Variants in FANCA observed in about 807,000 individuals in gnomAD.
FANCA encodes the protein FA complementation group A.
In FANCA, 236 loss-of-function variants were observed where a neutral mutation model predicts 194.3. The observed-to-expected ratio is 1.21, with a 90% CI of 1.09 to 1.35. The LOEUF is 1.35. Among genes scored for constraint, FANCA ranks in the 40% most tolerant of loss-of-function variants. FANCA has a pLI of 0.00. For synonymous variants in FANCA, 1,014 were observed against 715.8 expected (o/e 1.42, Z -6.65); for missense variants, 2,628 against 1,813.9 (o/e 1.45, Z -8.15).
intron 33 of FANCA, 33 bp downstream of exon 33, chr16:89,748,626 G>T: frequency 1.3e-6 from 2 of 1,532,220 alleles, no homozygotes; most frequent in South Asian, 1.1e-5. Context: ...GGCACTGACA[G>T]ATCGGACGGA....
chr16:89,811,047 G>A lies in FANCA; in HGVS notation c.308C>T (p.Ser103Leu), dbSNP rs147176389. ...FIGSALQDQA[S>L]RLGVPVGILS... Reference sequence around the variant, plus strand: ...AATACCCACGGGAACCCCCAGCCTTGAGGCTTGATCCTGCAAAGCAGAGCC... The same window carrying A: ...AATACCCACGGGAACCCCCAGCCTTAAGGCTTGATCCTGCAAAGCAGAGCC... The change falls in exon 4 of 43, where the codon TCA (serine) becomes TTA (leucine). Residue 103 changes from serine (S) to leucine (L), a missense_variant. Ser to Leu is a moderately radical substitution (Grantham distance 145). Transcript: ENST00000389301. The A allele has an allele frequency of 3.9e-5, 63 of 1,614,016 alleles. 1 individual carries two copies. Among genetic ancestry groups the A allele is most frequent in the East Asian group, 2.9e-4 (13 of 44,882 alleles).
intron 11 of FANCA, among the ~76,000 whole-genome samples, chr16:89,795,469 T>C (rs1281029001): frequency 6.6e-6 from 1 of 151,950 alleles, no homozygotes. Flanking sequence ...AAACCCAGTC[T>C]CTACTAAAAA....
chr16:89,795,443 C>A (rs2040211770), intron 11 of FANCA, among the ~76,000 whole-genome samples: 2 of 152,082 alleles, frequency 1.3e-5, no homozygotes, highest in South Asian at 4.1e-4. Flanking sequence ...TCGAGGCCAG[C>A]CTGGCCAACA....
intron 36 of FANCA, 34 bp downstream of exon 36, chr16:89,744,925 G>T (rs2062208863): frequency 6.3e-7 from 1 of 1,591,152 alleles, no homozygotes; most frequent in Middle Eastern, 1.7e-4. Context: ...AGTGCATCTG[G>T]GCGGGCACAC....
chr16:89,801,562 T>G (rs1194709905), intron 8 of FANCA, among the ~76,000 whole-genome samples: 1 of 152,174 alleles, frequency 6.6e-6, no homozygotes, highest in African/African-American at 2.4e-5. Flanking sequence ...TCTAAATAGT[T>G]GGGTAGTTCT....
chr16:89,761,867 C>T, intron 29 of FANCA, 82 bp downstream of exon 29: 1 of 1,105,566 alleles, frequency 9.0e-7, no homozygotes, highest in East Asian at 2.3e-5. Context: ...TTCAAGAGAT[C>T]TCCTGCCTCA....
chr16:89,778,083 ACC>A (rs569038243), intron 20 of FANCA, among the ~76,000 whole-genome samples: 43 of 146,138 alleles, frequency 2.9e-4, no homozygotes, highest in African/African-American at 1.0e-3. Flanking sequence ...AATTCCTTGA[ACC>A]CAGGAGGTGG....
Position 89,814,326 on chromosome 16 carries a change from G to A in FANCA, c.283+194C>T, listed in dbSNP as rs182856696. Among the ~76,000 whole-genome samples, 268 of 152,252 alleles carry A rather than the reference G, an allele frequency of 1.8e-3. 6 individuals carry two copies. Among genetic ancestry groups the A allele is most frequent in the Admixed American group, 0.013 (202 of 15,286 alleles). On this transcript the variant is annotated intron_variant, in intron 3 of 42. Coordinates refer to ENST00000389301, the MANE Select transcript of FANCA (RefSeq NM_000135.4). ...TTCTGAGTCGCAGGTTGAATCAGACGCTGTTTTTAAACACAGCATCGTAAG... is the reference window on the plus strand; with the variant it reads ...TTCTGAGTCGCAGGTTGAATCAGACACTGTTTTTAAACACAGCATCGTAAG...
Position 89,738,066 on chromosome 16 carries a change from C to T in FANCA, c.*535G>A, listed in dbSNP as rs750834243. 4 of 1,614,030 alleles carry T rather than the reference C, an allele frequency of 2.5e-6. No homozygotes were observed. Among genetic ancestry groups the T allele is most frequent in the African/African-American group, 1.3e-5 (1 of 74,932 alleles). On this transcript the variant is annotated 3_prime_UTR_variant, in exon 43 of 43. Transcript: ENST00000389301. ...AGGCTGAGACTGAGCTGGACTTTGC[C>T]TGTGACCAGTGTGGCCGGCGGTTTG...
At chr16:89,774,419 A>G (rs2039424511) in intron 21 of FANCA, among the ~76,000 whole-genome samples, 1 of 152,008 alleles carries the variant, frequency 6.6e-6, no homozygotes, top group Non-Finnish European at 1.5e-5. Flanking sequence ...TCCCCAGCAC[A>G]ACTGAGAGGT....
At chr16:89,740,416 G>C in intron 38 of FANCA, 2 of 468,340 alleles carry the variant, frequency 4.3e-6, no homozygotes, top group Middle Eastern at 1.2e-3. Flanking sequence ...GAGGTCGGCG[G>C]ATCACTGAGG....
In FANCA at chr16:89,805,278, A is replaced by G. The variant is rs1555571116; in HGVS notation, c.709+2T>C. 6.2e-7 allele frequency: 1 copy of G among 1,611,312 alleles called. No individual in the cohort carries two copies. The highest frequency in any genetic ancestry group is 1.3e-5 in the African/African-American group (1 of 74,968). ...AGAACCCGCATCTTGTCATGAACGCACCAGAAAGCATGGCCCTGGCGACGT... is the reference window on the plus strand; with the variant it reads ...AGAACCCGCATCTTGTCATGAACGCGCCAGAAAGCATGGCCCTGGCGACGT... On this transcript the variant is annotated splice_donor_variant, in intron 7 of 42. Transcript: ENST00000389301. LOFTEE classifies it high-confidence loss of function.
chr16:89,756,178 G>A (rs1408503895), intron 30 of FANCA, among the ~76,000 whole-genome samples: 2 of 152,166 alleles, frequency 1.3e-5, no homozygotes, highest in Non-Finnish European at 2.9e-5. Flanking sequence ...ACATGAATGT[G>A]ACCCAGTTTT....
chr16:89,811,703 AATTT>A (rs2040887691), intron 3 of FANCA, among the ~76,000 whole-genome samples: 1 of 149,946 alleles, frequency 6.7e-6, no homozygotes, highest in Non-Finnish European at 1.5e-5. Flanking sequence ...ATCATTTTCT[AATTT>A]ATTTGTCTTC....
intron 24 of FANCA, 139 bp downstream of exon 24, chr16:89,770,425 G>C (rs1247861516): frequency 3.4e-5 from 35 of 1,022,720 alleles, no homozygotes; most frequent in Non-Finnish European, 5.1e-5. Context: ...AACTTCTGCT[G>C]CGTCCTATTT....
In FANCA at chr16:89,759,003, G is replaced by T. The variant is rs1010841840; in HGVS notation, c.2853-298C>A. Among the ~76,000 whole-genome samples, 5 of 152,090 alleles carry T rather than the reference G, an allele frequency of 3.3e-5. No homozygotes were observed. The East Asian group carries it at 7.7e-4, about 23-fold the overall frequency. On this transcript the variant is annotated intron_variant, in intron 29 of 42. Transcript: ENST00000389301. The stretch of plus-strand genomic sequence containing the variant: ...TGCTGGCCACACAGCACATGAGCTT[G>T]GTGAACAGAATAGGCAAGCACAAAA...
At chr16:89,809,506 G>A (rs1345938937) in intron 5 of FANCA, among the ~76,000 whole-genome samples, 1 of 152,078 alleles carries the variant, frequency 6.6e-6, no homozygotes, top group Non-Finnish European at 1.5e-5. Context: ...CTGAGGTCAG[G>A]AATTGAAGAC....
chr16:89,773,623 T>G (rs1238408342), intron 21 of FANCA, among the ~76,000 whole-genome samples: 1 of 151,910 alleles, frequency 6.6e-6, no homozygotes, highest in Admixed American at 6.6e-5. Context: ...TAAACAAGTT[T>G]AAGAAAAAAA....
chr16:89,793,558 T>C (rs1185028467), intron 11 of FANCA, among the ~76,000 whole-genome samples: 1 of 152,162 alleles, frequency 6.6e-6, no homozygotes, highest in African/African-American at 2.4e-5. Context: ...ACAGCTCGTG[T>C]CCTCGGTCTC....
Sources: gnomAD v4.1 joint callset for allele counts (sites outside exome capture counted in the v4.1 genomes callset) on GRCh38, gnomAD v4.1.1 for gene constraint, MANE v1.5 for transcripts, NCBI Gene and HGNC (gene_info 2026-07-23, HGNC 2026-07-21) for gene names.